FPR3: variants seen among roughly 807,000 people sequenced by gnomAD.
FPR3 encodes the protein N-formyl peptide receptor 3.
For missense variants in FPR3, 346 were observed against 443.2 expected, an observed-to-expected ratio of 0.78 and a Z score of 1.97; for synonymous variants, 135 against 163.6, an observed-to-expected ratio of 0.83 and a Z score of 1.34.
intron 1 of FPR3, among the ~76,000 whole-genome samples, chr19:51,795,671 G>A (rs1230239963): frequency 4.6e-5 from 7 of 151,470 alleles, no homozygotes; most frequent in African/African-American, 1.5e-4. Flanking sequence ...CTGCCACCAC[G>A]CCTGGCTAAT....
chr19:51,813,500 A>T (rs980921394), intron 1 of FPR3, among the ~76,000 whole-genome samples: 2 of 151,598 alleles, frequency 1.3e-5, no homozygotes, highest in Admixed American at 1.3e-4. Context: ...TCCTGAAGAG[A>T]CTCTGAAGGA....
chr19:51,797,385 C>G (rs544847593), intron 1 of FPR3, among the ~76,000 whole-genome samples: 1 of 152,082 alleles, frequency 6.6e-6, no homozygotes, highest in African/African-American at 2.4e-5. Flanking sequence ...AGGGTTGAAG[C>G]TGGAAAGAAA....
chr19:51,809,314 T>C (rs138764731), intron 1 of FPR3, among the ~76,000 whole-genome samples: 1,965 of 152,332 alleles, frequency 0.013, 50 homozygotes, highest in African/African-American at 0.045. Context: ...ACTAGGGATG[T>C]AGAAGTTAAT....
intron 1 of FPR3, among the ~76,000 whole-genome samples, chr19:51,818,109 G>A (rs2084156120): frequency 6.6e-6 from 1 of 151,914 alleles, no homozygotes; most frequent in Non-Finnish European, 1.5e-5. Context: ...ACTGTCGCAA[G>A]GACAAATACA....
At chr19:51,807,162 C>T (rs959467105) in intron 1 of FPR3, among the ~76,000 whole-genome samples, 1 of 152,104 alleles carries the variant, frequency 6.6e-6, no homozygotes, top group Non-Finnish European at 1.5e-5. Flanking sequence ...TGGACAATGG[C>T]CCTGAGCTTT....
At chr19:51,796,628 G>A (rs2084000791) in intron 1 of FPR3, among the ~76,000 whole-genome samples, 1 of 152,226 alleles carries the variant, frequency 6.6e-6, no homozygotes, top group African/African-American at 2.4e-5. Context: ...AGCATGTTCT[G>A]TAGATAGAAT....
chr19:51,806,897 A>C (rs947314380), intron 1 of FPR3, among the ~76,000 whole-genome samples: 1 of 152,254 alleles, frequency 6.6e-6, no homozygotes, highest in Admixed American at 6.5e-5. Flanking sequence ...AACAAGAAGA[A>C]TCTCCTTGCA....
Position 51,823,743 on chromosome 19 carries a change from G to A in FPR3, c.-6G>A. 2 of 1,571,844 alleles carry A rather than the reference G, an allele frequency of 1.3e-6. No homozygotes were observed. Among genetic ancestry groups the A allele is most frequent in the Non-Finnish European group, 1.7e-6 (2 of 1,158,362 alleles). On this transcript the variant is annotated 5_prime_UTR_variant, in exon 2 of 2. Transcript: ENST00000339223. ...GCCATTGCTGAAATGTTTCAGGTGT[G>A]GGAAGATGGAAACCAACTTCTCCAT...
chr19:51,823,569 T>C (rs1489633444), intron 1 of FPR3, among the ~76,000 whole-genome samples, 170 bp from the exon 2 acceptor site: 1 of 152,194 alleles, frequency 6.6e-6, no homozygotes, highest in Non-Finnish European at 1.5e-5. Flanking sequence ...TAGAGAACTA[T>C]CGTTTCCCAA....
chr19:51,805,878 G>A (rs940894679), intron 1 of FPR3, among the ~76,000 whole-genome samples: 2 of 152,194 alleles, frequency 1.3e-5, no homozygotes, highest in Admixed American at 6.5e-5. Context: ...ATGCAAAGCA[G>A]GTGTGGCAGC....
chr19:51,816,527 C>T (rs1049747516), intron 1 of FPR3, among the ~76,000 whole-genome samples: 4 of 152,140 alleles, frequency 2.6e-5, no homozygotes, highest in Non-Finnish European at 4.4e-5. Flanking sequence ...GGATTACTGG[C>T]GTGAACCACC....
chr19:51,821,136 C>A (rs1337380690), intron 1 of FPR3, among the ~76,000 whole-genome samples: 1 of 152,178 alleles, frequency 6.6e-6, no homozygotes, highest in Non-Finnish European at 1.5e-5. Context: ...TTTCCATGTC[C>A]AGTCTCACTT....
intron 1 of FPR3, among the ~76,000 whole-genome samples, chr19:51,800,249 G>T (rs1179260249): frequency 6.6e-6 from 1 of 152,220 alleles, no homozygotes; most frequent in African/African-American, 2.4e-5. Flanking sequence ...GCCCCTCAGA[G>T]GTCGATCGGG....
intron 1 of FPR3, among the ~76,000 whole-genome samples, chr19:51,805,686 G>A (rs1358542528): frequency 1.3e-5 from 2 of 152,100 alleles, no homozygotes; most frequent in African/African-American, 4.8e-5. Context: ...AAGTAGCCTC[G>A]CTTGGTTGGC....
intron 1 of FPR3, chr19:51,804,708 G>A (rs552600899): frequency 1.2e-4 from 18 of 152,108 alleles, no homozygotes; most frequent in Non-Finnish European, 2.4e-4. Context: ...TCGAGCACCC[G>A]ATTCTGTGGC....
chr19:51,821,757 T>C (rs1191508390), intron 1 of FPR3, among the ~76,000 whole-genome samples: 2 of 151,754 alleles, frequency 1.3e-5, no homozygotes, highest in East Asian at 3.9e-4. Context: ...CTGCCTCCAC[T>C]GACCGGCTGG....
At chr19:51,816,341 G>A (rs2084136949) in intron 1 of FPR3, among the ~76,000 whole-genome samples, 1 of 152,116 alleles carries the variant, frequency 6.6e-6, no homozygotes, top group Non-Finnish European at 1.5e-5. Flanking sequence ...TCTTCTTCCT[G>A]GGTTCAAATG....
At chr19:51,798,231 G>A (rs1004084110) in intron 1 of FPR3, among the ~76,000 whole-genome samples, 5 of 152,044 alleles carry the variant, frequency 3.3e-5, no homozygotes, top group Admixed American at 2.0e-4. Flanking sequence ...GAGGGGGTGG[G>A]AGGTATTTTG....
At chr19:51,812,521 C>T (rs1268354962) in intron 1 of FPR3, among the ~76,000 whole-genome samples, 1 of 152,198 alleles carries the variant, frequency 6.6e-6, no homozygotes, top group African/African-American at 2.4e-5. Context: ...ATTCATTTGG[C>T]TAGCATGTTC....
Sources: gnomAD v4.1 joint callset for allele counts (sites outside exome capture counted in the v4.1 genomes callset) on GRCh38, gnomAD v4.1.1 for gene constraint, MANE v1.5 for transcripts, NCBI Gene and HGNC (gene_info 2026-07-23, HGNC 2026-07-21) for gene names.